Variants in HNRNPA1L2 observed in about 807,000 individuals in gnomAD.
HNRNPA1L2 encodes the protein heterogeneous nuclear ribonucleoprotein A1-like 2.
HNRNPA1L2 carries 10 observed loss-of-function variants against 18.2 expected under a neutral mutation model. The observed-to-expected ratio is 0.55, with a 90% confidence interval of 0.34 to 0.93. The LOEUF (loss-of-function observed/expected upper bound fraction) is 0.93. Among genes scored for constraint, HNRNPA1L2 ranks in the 40% least tolerant of loss-of-function variants. The probability of loss-of-function intolerance (pLI) is 0.02; values close to 1 mark genes in which losing one functional copy is unlikely to be tolerated. For missense variants in HNRNPA1L2, 308 were observed against 394.4 expected (o/e 0.78, Z 1.85); for synonymous variants, 124 against 138.6 (o/e 0.89, Z 0.74).
At chr13:52,626,753 G>T in the HNRNPA1L2 span, among the ~76,000 whole-genome samples, 1 of 151,914 alleles carries the variant, frequency 6.6e-6, no homozygotes, top group Non-Finnish European at 1.5e-5. Context: ...TTAGCTGGAG[G>T]ATTTTGACAA....
chr13:52,624,571 T>C, the HNRNPA1L2 span, among the ~76,000 whole-genome samples: 1 of 152,228 alleles, frequency 6.6e-6, no homozygotes, highest in Non-Finnish European at 1.5e-5. Context: ...TGGAGTAATA[T>C]ACATTTGGCC....
upstream of HNRNPA1L2, among the ~76,000 whole-genome samples, chr13:52,640,601 A>G (rs1961626821): frequency 6.6e-6 from 1 of 152,220 alleles, no homozygotes; most frequent in African/African-American, 2.4e-5. Flanking sequence ...TGGGTAAGGT[A>G]TCAAGGATGT....
chr13:52,623,123 G>A, the HNRNPA1L2 span, among the ~76,000 whole-genome samples: 2 of 152,006 alleles, frequency 1.3e-5, no homozygotes, highest in African/African-American at 2.4e-5. Flanking sequence ...CTTCCTCCTC[G>A]TCCTACTCTT....
chr13:52,641,550 G>C (rs995292914), upstream of HNRNPA1L2: 1 of 152,132 alleles, frequency 6.6e-6, no homozygotes, highest in African/African-American at 2.4e-5. Context: ...CCTTTGGGTT[G>C]CTCCAGAGAC....
chr13:52,624,592 G>A, the HNRNPA1L2 span, among the ~76,000 whole-genome samples: 2 of 152,264 alleles, frequency 1.3e-5, no homozygotes, highest in Admixed American at 6.5e-5. Context: ...CTCTGTATGC[G>A]TAGGTTCTGC....
upstream of HNRNPA1L2, among the ~76,000 whole-genome samples, chr13:52,639,802 C>A (rs1961589261): frequency 6.6e-6 from 1 of 151,344 alleles, no homozygotes; most frequent in African/African-American, 2.4e-5. Flanking sequence ...AGTCCAAAAT[C>A]CTTAGCTTAA....
chr13:52,627,812 T>C, the HNRNPA1L2 span, among the ~76,000 whole-genome samples: 2 of 152,196 alleles, frequency 1.3e-5, no homozygotes, highest in Admixed American at 1.3e-4. Flanking sequence ...AGTTACAGTT[T>C]CTTGTCCATG....
chr13:52,625,295 A>G, the HNRNPA1L2 span, among the ~76,000 whole-genome samples: 1 of 151,820 alleles, frequency 6.6e-6, no homozygotes, highest in Non-Finnish European at 1.5e-5. Flanking sequence ...TTTTGGTTTT[A>G]GTAGAGATGG....
the HNRNPA1L2 span, among the ~76,000 whole-genome samples, chr13:52,624,195 A>G: frequency 6.6e-6 from 1 of 152,136 alleles, no homozygotes; most frequent in Non-Finnish European, 1.5e-5. Flanking sequence ...GCTCACTGCT[A>G]TCTCCACCTC....
the HNRNPA1L2 span, among the ~76,000 whole-genome samples, chr13:52,636,251 C>G: frequency 1.3e-5 from 2 of 152,132 alleles, no homozygotes; most frequent in South Asian, 4.1e-4. Flanking sequence ...GTGTACAAGT[C>G]TTTGTGTGGA....
upstream of HNRNPA1L2, among the ~76,000 whole-genome samples, chr13:52,639,763 T>A (rs1310835712): frequency 1.3e-5 from 2 of 149,100 alleles, no homozygotes. Context: ...ATGGAAACCC[T>A]CATGCCTTTC....
At chr13:52,638,052 A>G (rs1390423354), upstream of HNRNPA1L2, among the ~76,000 whole-genome samples, 7 of 152,206 alleles carry the variant, frequency 4.6e-5, no homozygotes, top group Non-Finnish European at 1.0e-4. Flanking sequence ...AAGACCATCC[A>G]TATTCTAATA....
In HNRNPA1L2 at chr13:52,643,163, G is replaced by T. The variant is rs775884014; in HGVS notation, c.671G>T (p.Gly224Val). The T allele has an allele frequency of 1.3e-6, 2 of 1,598,116 alleles. No individual in the cohort carries two copies. Among genetic ancestry groups the T allele is most frequent in the South Asian group, 1.1e-5 (1 of 91,000 alleles). Residue 224 changes from glycine (G) to valine (V), a missense_variant, in exon 1 of 1, where the codon GGT becomes GTT. By Grantham distance (109) the Gly-to-Val change is moderately radical. Coordinates refer to ENST00000357495, the MANE Select transcript of HNRNPA1L2 (RefSeq NM_001389320.1). ...TTTGGTCGTGGAGGAAACTTCAGTGGTCGTGGTGGCTTTGGTGGCAGCTGT... is the reference window on the plus strand; with the variant it reads ...TTTGGTCGTGGAGGAAACTTCAGTGTTCGTGGTGGCTTTGGTGGCAGCTGT... ...DNFGRGGNFSGRGGFGGSCGG... is the reference protein window; with the variant it reads ...DNFGRGGNFSVRGGFGGSCGG...
At chr13:52,628,705 CA>C in the HNRNPA1L2 span, among the ~76,000 whole-genome samples, 2 of 151,796 alleles carry the variant, frequency 1.3e-5, no homozygotes, top group African/African-American at 4.8e-5. Context: ...GACAAGTAAA[CA>C]AAAATTGTAA....
Position 52,642,572 on chromosome 13 carries a change from A to G in HNRNPA1L2, c.80A>G (p.Asp27Gly), listed in dbSNP as rs1264560201. ...GGAGGGTTGAGCTTTGAAACAACTG[A>G]TGAGAGCCTGAGGAGCCATTTTGAG... ...FIGGLSFETT[D>G]ESLRSHFEQW... is the part of the protein sequence containing the mutation. Residue 27 changes from aspartate (D) to glycine (G), a missense_variant, in exon 1 of 1, where the codon GAT (aspartate) becomes GGT (glycine). Asp to Gly is a moderately conservative substitution (Grantham distance 94, BLOSUM62 -1). Transcript: ENST00000357495. The G allele has an allele frequency of 5.0e-6, 8 of 1,611,818 alleles. No individual in the cohort carries two copies. Among genetic ancestry groups the G allele is most frequent in the African/African-American group, 4.0e-5 (3 of 74,830 alleles).
the HNRNPA1L2 span, among the ~76,000 whole-genome samples, chr13:52,621,199 T>C: frequency 6.6e-6 from 1 of 152,200 alleles, no homozygotes; most frequent in Non-Finnish European, 1.5e-5. Context: ...ATGAGTCTAG[T>C]ATAGATGTAA....
chr13:52,638,374 T>G (rs1409096213), upstream of HNRNPA1L2, among the ~76,000 whole-genome samples: 7 of 152,218 alleles, frequency 4.6e-5, no homozygotes, highest in Non-Finnish European at 1.0e-4. Context: ...TACTAGCCAG[T>G]GAGGACATTG....
the HNRNPA1L2 span, among the ~76,000 whole-genome samples, chr13:52,618,766 G>GT: frequency 1.3e-5 from 2 of 152,164 alleles, no homozygotes; most frequent in African/African-American, 4.8e-5. Context: ...CTTAAATGTC[G>GT]TTTTGAAGGT....
chr13:52,630,937 G>A, the HNRNPA1L2 span, among the ~76,000 whole-genome samples: 1 of 152,018 alleles, frequency 6.6e-6, no homozygotes, highest in Admixed American at 6.6e-5. Context: ...CAGCTACATC[G>A]GGATGGCATA....
Sources: gnomAD v4.1 joint callset for allele counts (sites outside exome capture counted in the v4.1 genomes callset) on GRCh38, gnomAD v4.1.1 for gene constraint, MANE v1.5 for transcripts, NCBI Gene and HGNC (gene_info 2026-07-23, HGNC 2026-07-21) for gene names.